Variants in NDST4 observed in about 807,000 individuals in gnomAD.
The protein encoded by NDST4 is N-deacetylase and N-sulfotransferase 4.
A neutral mutation model predicts 100.8 loss-of-function variants in NDST4; 63 were observed. The ratio of observed to expected loss-of-function variants is 0.62; its 90% confidence interval spans 0.51 to 0.77. NDST4 has a LOEUF of 0.77. Among genes scored for constraint, NDST4 ranks in the 30% least tolerant of loss-of-function variants. The probability of loss-of-function intolerance (pLI) is 0.00; values close to 1 mark genes in which losing one functional copy is unlikely to be tolerated. For synonymous variants in NDST4, 377 were observed against 361.8 expected (o/e 1.04, Z -0.48); for missense variants, 943 against 1,018.4 (o/e 0.93, Z 1.01).
chr4:115,006,440 A>T (rs888177717), intron 2 of NDST4, among the ~76,000 whole-genome samples: 1 of 152,156 alleles, frequency 6.6e-6, no homozygotes, highest in Non-Finnish European at 1.5e-5. Flanking sequence ...TGGACTTGGG[A>T]AAAAAGGGGT....
intron 7 of NDST4, among the ~76,000 whole-genome samples, chr4:114,862,501 T>G (rs1320658531): frequency 1.3e-5 from 2 of 152,182 alleles, no homozygotes; most frequent in African/African-American, 4.8e-5. Context: ...GATATCTTTA[T>G]GCTTAGCAAA....
intron 2 of NDST4, among the ~76,000 whole-genome samples, chr4:115,011,501 T>G (rs1181786125): frequency 3.9e-5 from 6 of 151,978 alleles, no homozygotes; most frequent in South Asian, 4.1e-4. Context: ...ACTCACTTCC[T>G]TAAAATGGTT....
At chr4:115,110,870 A>C (rs1729939655) in intron 1 of NDST4, among the ~76,000 whole-genome samples, 1 of 152,016 alleles carries the variant, frequency 6.6e-6, no homozygotes. Flanking sequence ...TAGACTCTAA[A>C]CATAATGCAT....
intron 2 of NDST4, among the ~76,000 whole-genome samples, chr4:115,045,729 GTTTTA>G (rs1249222932): frequency 6.6e-6 from 1 of 152,002 alleles, no homozygotes; most frequent in African/African-American, 2.4e-5. Flanking sequence ...CAGTACTTTT[GTTTTA>G]TTTTATTTTA....
intron 2 of NDST4, among the ~76,000 whole-genome samples, chr4:114,999,774 A>T (rs1482892600): frequency 6.6e-6 from 1 of 151,998 alleles, no homozygotes; most frequent in Non-Finnish European, 1.5e-5. Context: ...TAAAATATGG[A>T]AGTCAGGAGG....
At chr4:114,919,268 G>T (rs773108679) in intron 6 of NDST4, among the ~76,000 whole-genome samples, 11 of 152,136 alleles carry the variant, frequency 7.2e-5, no homozygotes, top group Admixed American at 6.6e-4. Context: ...TTGGTGATAT[G>T]AAGGTGGGGA....
intron 2 of NDST4, among the ~76,000 whole-genome samples, chr4:115,055,022 G>C (rs1027397627): frequency 6.6e-6 from 1 of 152,068 alleles, no homozygotes; most frequent in Non-Finnish European, 1.5e-5. Context: ...CCCATCACTT[G>C]CATTATCACC....
chr4:115,040,623 T>C (rs181207516), intron 2 of NDST4, among the ~76,000 whole-genome samples: 94 of 152,060 alleles, frequency 6.2e-4, no homozygotes, highest in Middle Eastern at 3.4e-3. Flanking sequence ...ATTAAAACAA[T>C]GAGCATCCCT....
chr4:115,016,212 T>G (rs1192452575), intron 2 of NDST4, among the ~76,000 whole-genome samples: 1 of 152,034 alleles, frequency 6.6e-6, no homozygotes, highest in Non-Finnish European at 1.5e-5. Context: ...CTTTGATAGA[T>G]TAGTGGAAAG....
At chr4:114,878,178 G>A (rs1724296912) in intron 6 of NDST4, among the ~76,000 whole-genome samples, 1 of 152,136 alleles carries the variant, frequency 6.6e-6, no homozygotes, top group Non-Finnish European at 1.5e-5. Flanking sequence ...TCCACTTACA[G>A]TAAACTTCAG....
chr4:114,927,210 C>G (rs1426483306), intron 6 of NDST4, among the ~76,000 whole-genome samples: 1 of 134,584 alleles, frequency 7.4e-6, no homozygotes, highest in Non-Finnish European at 1.5e-5. Context: ...TTAAAATTAA[C>G]TTGATTTGTG....
intron 7 of NDST4, among the ~76,000 whole-genome samples, chr4:114,861,812 C>T (rs1333936907): frequency 6.6e-6 from 1 of 152,104 alleles, no homozygotes; most frequent in Non-Finnish European, 1.5e-5. Flanking sequence ...TTCAGCACCG[C>T]TTACCATTCA....
Position 114,940,719 on chromosome 4 carries a change from G to A in NDST4, c.1222-3216C>T, listed in dbSNP as rs138910972. On this transcript the variant is annotated intron_variant, in intron 4 of 13. Coordinates refer to ENST00000264363, the MANE Select transcript of NDST4 (RefSeq NM_022569.3). ...CAAGTTCTTGTCCAGTGCTGAGGAA[G>A]AGTCAGGTCCTATGAAGGAATTGAA... Among the ~76,000 whole-genome samples, 163 of 152,328 alleles carry A rather than the reference G, an allele frequency of 1.1e-3. 1 individual carries two copies. Among genetic ancestry groups the A allele is most frequent in the African/African-American group, 3.8e-3 (159 of 41,574 alleles).
chr4:115,076,957 A>G lies in NDST4; in HGVS notation c.80T>C (p.Val27Ala), dbSNP rs764378129. Residue 27 changes from valine to alanine, a missense_variant, in exon 2 of 14, where the codon GTC (valine) becomes GCC (alanine). Physicochemically the swap from Val to Ala is moderately conservative, Grantham distance 64 (BLOSUM62 0). This residue lies in a region of NDST4 where 417 missense variants were observed against 384.2 expected (regional missense o/e 1.09). Coordinates refer to ENST00000264363, the MANE Select transcript of NDST4 (RefSeq NM_022569.3). Reference sequence around the variant, plus strand: ...AGAGTAGAGAAAATAGGCAGAAATGACAATGCTCACCAAGCAAAAGGTAGC... The same window carrying G: ...AGAGTAGAGAAAATAGGCAGAAATGGCAATGCTCACCAAGCAAAAGGTAGC... ...LLATFCLVSI[V>A]ISAYFLYSGY... is the part of the protein sequence containing the mutation. 6.2e-7 allele frequency: 1 copy of G among 1,613,570 alleles called. No homozygotes were observed. Among genetic ancestry groups the G allele is most frequent in the South Asian group, 1.1e-5 (1 of 91,060 alleles).
intron 6 of NDST4, among the ~76,000 whole-genome samples, chr4:114,893,096 A>G (rs1164134497): frequency 6.6e-6 from 1 of 152,144 alleles, no homozygotes; most frequent in African/African-American, 2.4e-5. Context: ...ATGGCTGCAT[A>G]GTATTCCATG....
intron 1 of NDST4, among the ~76,000 whole-genome samples, chr4:115,082,844 A>T (rs895496762): frequency 6.6e-6 from 1 of 152,188 alleles, no homozygotes; most frequent in African/African-American, 2.4e-5. Context: ...AGCATAATTA[A>T]ATAATTTAAC....
intron 6 of NDST4, among the ~76,000 whole-genome samples, chr4:114,917,018 G>C (rs114158680): frequency 6.6e-6 from 1 of 152,030 alleles, no homozygotes; most frequent in African/African-American, 2.4e-5. Flanking sequence ...GGTATCTGTG[G>C]GGAGTTGTTT....
intron 1 of NDST4, among the ~76,000 whole-genome samples, chr4:115,096,653 C>T (rs1039954268): frequency 6.6e-6 from 1 of 152,046 alleles, no homozygotes; most frequent in African/African-American, 2.4e-5. Flanking sequence ...GAAGATATTG[C>T]TTCAGTAATA....
intron 2 of NDST4, among the ~76,000 whole-genome samples, chr4:115,003,528 AC>A (rs76217454): frequency 0.34 from 52,093 of 151,866 alleles, 9,049 homozygotes; most frequent in Middle Eastern, 0.49. Context: ...GAAGTCACTG[AC>A]AAAAATTTTT....
Sources: gnomAD v4.1 joint callset for allele counts (sites outside exome capture counted in the v4.1 genomes callset) on GRCh38, gnomAD v4.1.1 for gene constraint, gnomAD v4.1.1 regional missense constraint, MANE v1.5 for transcripts, NCBI Gene and HGNC (gene_info 2026-07-23, HGNC 2026-07-21) for gene names.